SCARB2: variants seen among roughly 807,000 people sequenced by gnomAD.
SCARB2 encodes lysosome membrane protein 2.
In SCARB2, 29 loss-of-function variants were observed where a neutral mutation model predicts 58.6. The ratio of observed to expected loss-of-function variants is 0.49; its 90% CI spans 0.37 to 0.67. SCARB2 has a LOEUF of 0.67. Ranked by LOEUF, SCARB2 falls within the 30% of genes least tolerant of loss-of-function variation. The pLI is 0.00. For missense variants in SCARB2, 488 were observed against 578.5 expected (o/e 0.84, Z 1.60); for synonymous variants, 195 against 210.1 (o/e 0.93, Z 0.62).
At chr4:76,178,611 G>C (rs1193473249) in intron 4 of SCARB2, among the ~76,000 whole-genome samples, 2 of 152,140 alleles carry the variant, frequency 1.3e-5, no homozygotes, top group Non-Finnish European at 1.5e-5. Context: ...CAGGAAATCT[G>C]TGCTTCCTCT....
At position 76,213,763 on chromosome 4, in the gene SCARB2, A is replaced by G; in HGVS notation, c.-220T>C. 2.3e-6 allele frequency: 1 copy of G among 442,342 alleles called. No homozygotes were observed. The highest frequency in any genetic ancestry group is 2.1e-5 in the African/African-American group (1 of 46,932). 27.4% of individuals were successfully genotyped at this position (442,342 alleles called of 1,614,324 possible). Reference sequence around the variant, plus strand: ...TGGGGCCGCGGAGGGACGGGCCCGGACTCGGTTTCGGTTTCCTTCGCCGGG... The same window carrying G: ...TGGGGCCGCGGAGGGACGGGCCCGGGCTCGGTTTCGGTTTCCTTCGCCGGG... On this transcript the variant is annotated 5_prime_UTR_variant, in exon 1 of 12. Coordinates refer to ENST00000264896, the MANE Select transcript of SCARB2 (RefSeq NM_005506.4).
chr4:76,159,531 GGC>G lies in SCARB2; in HGVS notation c.*2180_*2181del, dbSNP rs1379213060. 1 of 152,212 alleles carries G rather than the reference GGC, an allele frequency of 6.6e-6. No individual in the cohort carries two copies. The highest frequency in any genetic ancestry group is 1.5e-5 in the Non-Finnish European group (1 of 68,086). The allele number at this position is 152,212 out of a possible 1,614,324, so 9.4% of individuals were successfully genotyped here. ...AGGGTCAGGAGATTGAGACCATCCT[GGC>G]CAACATGGTGAAACCCCGTCTCCAC... On this transcript the variant is annotated 3_prime_UTR_variant, in exon 12 of 12. Transcript: ENST00000264896.
At chr4:76,188,249 T>C (rs900307919) in intron 2 of SCARB2, among the ~76,000 whole-genome samples, 9 of 152,190 alleles carry the variant, frequency 5.9e-5, no homozygotes, top group Non-Finnish European at 1.2e-4. Flanking sequence ...TATACAAATA[T>C]GTCCCTGAGC....
At chr4:76,197,114 G>A (rs1054835207) in intron 1 of SCARB2, among the ~76,000 whole-genome samples, 1 of 152,138 alleles carries the variant, frequency 6.6e-6, no homozygotes, top group African/African-American at 2.4e-5. Context: ...CCAATACCTT[G>A]ATCTCAGACT....
In SCARB2 at chr4:76,161,664, T is replaced by C. The variant is rs1478702011; in HGVS notation, c.*49A>G. 1 of 1,604,842 alleles carries C rather than the reference T, an allele frequency of 6.2e-7. No homozygotes were observed. Among genetic ancestry groups the C allele is most frequent in the South Asian group, 1.1e-5 (1 of 90,886 alleles). On this transcript the variant is annotated 3_prime_UTR_variant, in exon 12 of 12. Coordinates refer to ENST00000264896, the MANE Select transcript of SCARB2 (RefSeq NM_005506.4). ...GGTGGAGGGTTTCCCCACGTCATCGTCCAGGTCAGGACAGCTCACACAGTT... is the reference window on the plus strand; with the variant it reads ...GGTGGAGGGTTTCCCCACGTCATCGCCCAGGTCAGGACAGCTCACACAGTT...
intron 1 of SCARB2, 53 bp downstream of exon 1, chr4:76,213,373 TG>T: frequency 1.7e-6 from 2 of 1,189,848 alleles, no homozygotes; most frequent in Non-Finnish European, 2.5e-6. Flanking sequence ...GCAGCAGGGA[TG>T]GGAGGGTGAG....
chr4:76,179,352 C>G (rs1358822317), intron 4 of SCARB2, 165 bp downstream of exon 4: 1 of 631,346 alleles, frequency 1.6e-6, no homozygotes, highest in Non-Finnish European at 2.8e-6. Flanking sequence ...CCGCACCCGG[C>G]CTCAAGTTTT....
intron 6 of SCARB2, 174 bp from the exon 7 acceptor site, chr4:76,174,487 G>A (rs1732205971): frequency 9.4e-6 from 6 of 635,560 alleles, no homozygotes; most frequent in Non-Finnish European, 1.7e-5. Flanking sequence ...AGCAGAAGAT[G>A]AATTGTAGTG....
chr4:76,225,087 C>G (rs1237675591), intron 1 of SCARB2, among the ~76,000 whole-genome samples: 3 of 152,192 alleles, frequency 2.0e-5, no homozygotes, highest in East Asian at 3.8e-4. Flanking sequence ...TGATCTCCAA[C>G]TCCACCCAGG....
At chr4:76,205,899 C>T (rs547122908) in intron 1 of SCARB2, among the ~76,000 whole-genome samples, 27 of 152,276 alleles carry the variant, frequency 1.8e-4, no homozygotes, top group African/African-American at 6.3e-4. Flanking sequence ...AGCACATGCA[C>T]AACAACGGAT....
intron 7 of SCARB2, chr4:76,173,826 G>A (rs1267465701): frequency 3.0e-6 from 1 of 337,238 alleles, no homozygotes; most frequent in Non-Finnish European, 5.6e-6. Context: ...GAAATAAAAA[G>A]CATCACAGAA....
At chr4:76,168,953 G>A (rs377188167) in intron 8 of SCARB2, among the ~76,000 whole-genome samples, 16 of 152,238 alleles carry the variant, frequency 1.1e-4, no homozygotes, top group African/African-American at 2.7e-4. Context: ...GGGCACAGCT[G>A]CAGCACTTGT....
At chr4:76,205,490 T>G (rs1181761527) in intron 1 of SCARB2, among the ~76,000 whole-genome samples, 1 of 152,246 alleles carries the variant, frequency 6.6e-6, no homozygotes, top group Non-Finnish European at 1.5e-5. Context: ...TTTCACTATG[T>G]ATATCTATAT....
At position 76,212,301 on chromosome 4, in the gene SCARB2, A is replaced by T. The variant is rs561549449; in HGVS notation, c.117+1126T>A. On this transcript the variant is annotated intron_variant, in intron 1 of 11. Coordinates refer to ENST00000264896, the MANE Select transcript of SCARB2 (RefSeq NM_005506.4). ...ACAGTGGGCCTTGTCTTCCCTTGGC[A>T]ATGTGAACTTTAAAAATTACATTAT... 2.0e-5 allele frequency among the ~76,000 whole-genome samples: 3 copies of T among 152,268 alleles called. No homozygotes were observed. In the East Asian group the frequency reaches 5.8e-4, roughly 29 times the overall value.
chr4:76,227,550 G>A (rs1733418962), intron 1 of SCARB2, among the ~76,000 whole-genome samples: 1 of 151,916 alleles, frequency 6.6e-6, no homozygotes, highest in Non-Finnish European at 1.5e-5. Flanking sequence ...ATATCTATCT[G>A]GGGTATAGTT....
chr4:76,194,149 A>G (rs1732661441), intron 2 of SCARB2: 1 of 152,208 alleles, frequency 6.6e-6, no homozygotes, highest in Non-Finnish European at 1.5e-5. Context: ...CCATGAGTAA[A>G]AGCTCCTTGA....
At chr4:76,193,853 T>C (rs1232685379) in intron 2 of SCARB2, 1 of 152,192 alleles carries the variant, frequency 6.6e-6, no homozygotes, top group Non-Finnish European at 1.5e-5. Flanking sequence ...GAAGGGATGA[T>C]TATATTTTAA....
intron 1 of SCARB2, among the ~76,000 whole-genome samples, chr4:76,227,172 C>T (rs1733412816): frequency 6.6e-6 from 1 of 152,158 alleles, no homozygotes; most frequent in Non-Finnish European, 1.5e-5. Flanking sequence ...GTTTGATGAA[C>T]TTTCCTCTTA....
chr4:76,175,665 T>G, intron 6 of SCARB2, 126 bp downstream of exon 6: 2 of 1,124,666 alleles, frequency 1.8e-6, no homozygotes, highest in South Asian at 1.3e-5. Flanking sequence ...GCCATCAGCA[T>G]TTATCACTGA....
Sources: gnomAD v4.1 joint callset for allele counts (sites outside exome capture counted in the v4.1 genomes callset) on GRCh38, gnomAD v4.1.1 for gene constraint, MANE v1.5 for transcripts, NCBI Gene and HGNC (gene_info 2026-07-23, HGNC 2026-07-21) for gene names.